The following MTBP variants were observed in gnomAD, a reference collection of about 807,000 sequenced individuals.
MTBP encodes the protein MDM2 binding protein, also known as mdm2-binding protein.
MTBP carries 101 observed loss-of-function variants against 117.0 expected under a neutral mutation model. The observed-to-expected ratio is 0.86, with a 90% CI of 0.73 to 1.02. MTBP has a LOEUF of 1.02. MTBP is among the 50% of genes least tolerant of loss of function. The pLI is 0.00. For synonymous variants in MTBP, 350 were observed against 351.5 expected (o/e 1.00, Z 0.05); for missense variants, 970 against 1,030.9 (o/e 0.94, Z 0.81).
At chr8:120,496,602 G>A (rs1305724643) in intron 13 of MTBP, among the ~76,000 whole-genome samples, 1 of 151,410 alleles carries the variant, frequency 6.6e-6, no homozygotes, top group Non-Finnish European at 1.5e-5. Flanking sequence ...TCACTTTCTG[G>A]TATCAAAGCT....
rs1409725294 is a variant in MTBP at position 120,461,172 on chromosome 8, T to C, written c.894T>C (p.Tyr298=). 1 of 1,590,656 alleles carries C rather than the reference T, an allele frequency of 6.3e-7. No homozygotes were observed. The highest frequency in any genetic ancestry group is 8.6e-7 in the Non-Finnish European group (1 of 1,159,874). Residue 298 remains tyrosine (Y), a synonymous_variant, in exon 9 of 22, where the codon TAT becomes TAC. Transcript: ENST00000305949. ...DKNILPKVFH[Y]YGPALEFVQM... is the part of the protein sequence containing the mutation. ...AATTTCTTTTCTAGGTTTTCCATTA[T>C]TATGGCCCTGCTTTAGAATTTGTGC...
chr8:120,456,063 G>T (rs981659597), intron 6 of MTBP, among the ~76,000 whole-genome samples: 10 of 152,050 alleles, frequency 6.6e-5, no homozygotes, highest in African/African-American at 2.2e-4. Flanking sequence ...TACCTTTATG[G>T]CAAGCATAGC....
At chr8:120,494,021 T>C (rs1814403168) in intron 13 of MTBP, among the ~76,000 whole-genome samples, 1 of 152,170 alleles carries the variant, frequency 6.6e-6, no homozygotes, top group African/African-American at 2.4e-5. Flanking sequence ...ATATTCTTGA[T>C]TGTGGAAGGA....
intron 20 of MTBP, among the ~76,000 whole-genome samples, chr8:120,521,129 A>T (rs967801670): frequency 2.0e-5 from 3 of 152,284 alleles, no homozygotes; most frequent in Non-Finnish European, 4.4e-5. Context: ...GACCAAAAGC[A>T]GAAAGGAAGC....
chr8:120,514,389 A>G (rs1337319404), intron 17 of MTBP, among the ~76,000 whole-genome samples: 1 of 151,904 alleles, frequency 6.6e-6, no homozygotes, highest in African/African-American at 2.4e-5. Context: ...CCCCATAACC[A>G]CTATTCTACT....
In MTBP at chr8:120,451,237, C is replaced by G; in HGVS notation, c.340C>G (p.Gln114Glu). The G allele has an allele frequency of 6.2e-7, 1 of 1,611,794 alleles. No individual in the cohort carries two copies. Among genetic ancestry groups the G allele is most frequent in the Non-Finnish European group, 8.5e-7 (1 of 1,178,460 alleles). The change falls in exon 4 of 22, where the codon CAA (glutamine) becomes GAA (glutamate). Residue 114 changes from glutamine to glutamate, a missense_variant. By Grantham distance (29) the Gln-to-Glu change is conservative. Coordinates refer to ENST00000305949, the MANE Select transcript of MTBP (RefSeq NM_022045.5). The part of the protein sequence containing the change: ...TEKDKIEDVL[Q>E]TNIEECLGAV... ...AAAAGATAAAATTGAAGATGTTCTT[C>G]AAACGAATATCGAAGAATGTTTGGG... is the stretch of plus-strand genomic sequence containing the variant.
chr8:120,506,743 G>C lies in MTBP; in HGVS notation c.1765G>C (p.Gly589Arg), dbSNP rs745627420. The C allele has an allele frequency of 6.2e-7, 1 of 1,612,508 alleles. No individual in the cohort carries two copies. Among genetic ancestry groups the C allele is most frequent in the South Asian group, 1.1e-5 (1 of 90,882 alleles). The change falls in exon 16 of 22, where the codon GGC becomes CGC. Residue 589 changes from glycine to arginine, a missense_variant. By Grantham distance (125) the Gly-to-Arg change is moderately radical. Transcript: ENST00000305949. Reference protein sequence around the residue: ...SLPHSSEQLLGHKEGPRDSIT... With the variant: ...SLPHSSEQLLRHKEGPRDSIT... ...ACCTCATTCATCTGAACAGTTGCTG[G>C]GCCACAAAGAGGGTCCTCGGGACTC...
intron 20 of MTBP, 128 bp downstream of exon 20, chr8:120,518,945 G>T: frequency 1.8e-6 from 1 of 570,870 alleles, no homozygotes; most frequent in Non-Finnish European, 3.1e-6. Flanking sequence ...TTAAATGATG[G>T]AGATAGAAAA....
rs750572038 is a variant in MTBP, at chr8:120,490,522, G to GA, written c.1400dup (p.Lys468GlufsTer5). On this transcript the variant is annotated frameshift_variant, in exon 13 of 22. Coordinates refer to ENST00000305949, the MANE Select transcript of MTBP (RefSeq NM_022045.5). LOFTEE classifies it high-confidence loss of function. ...TTCTGGGGAGCAGATTGTACAGAGA[G>GA]AGAAACAGTTAGCTAATGTTCAAGT... 1 of 1,609,524 alleles carries GA rather than the reference G, an allele frequency of 6.2e-7. No homozygotes were observed. Among genetic ancestry groups the GA allele is most frequent in the Non-Finnish European group, 8.5e-7 (1 of 1,178,830 alleles).
At chr8:120,480,462 C>G (rs1814055139) in intron 11 of MTBP, among the ~76,000 whole-genome samples, 1 of 151,934 alleles carries the variant, frequency 6.6e-6, no homozygotes, top group Non-Finnish European at 1.5e-5. Context: ...TATGGAGTAG[C>G]AAAGCAACTA....
At chr8:120,473,603 A>G (rs974475053) in intron 11 of MTBP, 1 of 152,148 alleles carries the variant, frequency 6.6e-6, no homozygotes, top group Non-Finnish European at 1.5e-5. Context: ...ATGACCTAAC[A>G]TAGCCTTAAG....
In MTBP at chr8:120,459,245, T is replaced by C; in HGVS notation, c.778T>C (p.Cys260Arg). Reference protein sequence around the residue: ...FGFEISFPEFCLKGVTLKNFS... With the variant: ...FGFEISFPEFRLKGVTLKNFS... ...ATTTGAAATTAGTTTTCCTGAATTTTGTTTAAAGGGAGTCACACTTAAGAA... is the reference window on the plus strand; with the variant it reads ...ATTTGAAATTAGTTTTCCTGAATTTCGTTTAAAGGGAGTCACACTTAAGAA... Residue 260 changes from cysteine (C) to arginine (R), a missense_variant, in exon 8 of 22, where the codon TGT becomes CGT. Physicochemically the swap from Cys to Arg is radical, Grantham distance 180 (BLOSUM62 -3). Coordinates refer to ENST00000305949, the MANE Select transcript of MTBP (RefSeq NM_022045.5). The C allele has an allele frequency of 6.2e-7, 1 of 1,609,542 alleles. No homozygotes were observed. The highest frequency in any genetic ancestry group is 1.1e-5 in the South Asian group (1 of 89,816).
intron 9 of MTBP, among the ~76,000 whole-genome samples, chr8:120,463,201 A>G (rs564282766): frequency 1.6e-4 from 25 of 152,334 alleles, no homozygotes; most frequent in African/African-American, 5.8e-4. Flanking sequence ...ATCAGCATGA[A>G]GAAACCTAAG....
chr8:120,470,995 A>T (rs1813805707), intron 11 of MTBP, 58 bp downstream of exon 11: 10 of 1,148,712 alleles, frequency 8.7e-6, no homozygotes, highest in Non-Finnish European at 1.3e-5. Flanking sequence ...GTATGTATCA[A>T]ATTTGAAGTG....
intron 17 of MTBP, among the ~76,000 whole-genome samples, chr8:120,512,288 A>G (rs979386539): frequency 1.1e-4 from 16 of 152,150 alleles, no homozygotes; most frequent in Non-Finnish European, 4.4e-5. Flanking sequence ...TCAGCCCTAT[A>G]AACACACTGA....
In MTBP at chr8:120,488,223, T is replaced by C; in HGVS notation, c.1230T>C (p.Asn410=). ...SYYLLLQGNG[N]RRCKATLIHS... ...ATCTCTTGTTACAAGGTAATGGCAA[T>C]AGAAGATGTAAAGCCACATTGATTC... The change falls in exon 12 of 22, where the codon AAT becomes AAC. Residue 410 remains asparagine (N), a synonymous_variant. Transcript: ENST00000305949. 1 of 1,597,110 alleles carries C rather than the reference T, an allele frequency of 6.3e-7. No homozygotes were observed. Among genetic ancestry groups the C allele is most frequent in the Non-Finnish European group, 8.5e-7 (1 of 1,174,066 alleles).
chr8:120,448,986 C>T (rs189707622), intron 2 of MTBP, among the ~76,000 whole-genome samples: 36 of 152,136 alleles, frequency 2.4e-4, no homozygotes, highest in Non-Finnish European at 4.6e-4. Context: ...TAATCAGCAG[C>T]CATTAAAAGC....
Position 120,451,330 on chromosome 8 carries a change from T to C in MTBP, c.425+8T>C. On this transcript the variant is annotated splice_region_variant and intron_variant, in intron 4 of 21. Transcript: ENST00000305949. ...ATCATTATCCTTGGCTGAGTATGCT[T>C]ATATGGTTTTTGTATTATCATTAAA... 1 of 1,605,988 alleles carries C rather than the reference T, an allele frequency of 6.2e-7. No individual in the cohort carries two copies. The highest frequency in any genetic ancestry group is 8.5e-7 in the Non-Finnish European group (1 of 1,173,198).
intron 11 of MTBP, among the ~76,000 whole-genome samples, chr8:120,485,272 T>A (rs892551874): frequency 6.6e-6 from 1 of 152,210 alleles, no homozygotes; most frequent in Admixed American, 6.5e-5. Flanking sequence ...AAATTTTATA[T>A]CTTTCATTTA....
Sources: allele counts gnomAD v4.1 joint callset (sites outside exome capture counted in the v4.1 genomes callset), GRCh38; gene constraint gnomAD v4.1.1; transcripts MANE v1.5; gene names NCBI Gene and HGNC (gene_info 2026-07-23, HGNC 2026-07-21).